Variants in PPARGC1A observed in about 807,000 individuals in gnomAD.
PPARGC1A encodes the protein peroxisome proliferator-activated receptor gamma coactivator 1-alpha.
A neutral mutation model predicts 88.7 loss-of-function variants in PPARGC1A; 25 were observed. The observed-to-expected ratio is 0.28, with a 90% confidence interval of 0.21 to 0.39. The LOEUF (loss-of-function observed/expected upper bound fraction) is 0.39, where lower values mean the gene tolerates loss of function less well. Ranked by LOEUF, PPARGC1A falls within the 10% of genes least tolerant of loss-of-function variation. The probability of loss-of-function intolerance (pLI) is 1.00; values close to 1 mark genes in which losing one functional copy is unlikely to be tolerated. For synonymous variants in PPARGC1A, 363 were observed against 355.6 expected, an observed-to-expected ratio of 1.02 and a Z score of -0.24; for missense variants, 880 against 968.7, an observed-to-expected ratio of 0.91 and a Z score of 1.22.
chr4:24,213,317 C>A, the PPARGC1A span, among the ~76,000 whole-genome samples: 1 of 151,974 alleles, frequency 6.6e-6, no homozygotes, highest in Non-Finnish European at 1.5e-5. Flanking sequence ...CAGGCGCCCA[C>A]CACCCGGCCC....
chr4:24,089,855 G>A, the PPARGC1A span, among the ~76,000 whole-genome samples: 3 of 152,272 alleles, frequency 2.0e-5, no homozygotes, highest in South Asian at 2.1e-4. Flanking sequence ...CTAGAAGGGG[G>A]AGCTCCAGCT....
chr4:24,009,821 G>A, the PPARGC1A span, among the ~76,000 whole-genome samples: 8 of 152,294 alleles, frequency 5.3e-5, no homozygotes, highest in Admixed American at 1.3e-4. Context: ...TTTATTGGGA[G>A]TAGCTGTGAA....
chr4:24,180,893 CTT>C, the PPARGC1A span, among the ~76,000 whole-genome samples: 1 of 152,172 alleles, frequency 6.6e-6, no homozygotes, highest in African/African-American at 2.4e-5. Context: ...TCAACATAAG[CTT>C]TTAAGTAGGA....
chr4:24,067,279 C>T, the PPARGC1A span, among the ~76,000 whole-genome samples: 1 of 151,982 alleles, frequency 6.6e-6, no homozygotes, highest in African/African-American at 2.4e-5. Flanking sequence ...AAACAGAACA[C>T]AATGCAAACA....
At chr4:23,880,660 C>A in intron 2 of PPARGC1A, 1 of 152,164 alleles carries the variant, frequency 6.6e-6, no homozygotes, top group East Asian at 1.9e-4. Flanking sequence ...GCCTTGAAAG[C>A]GTCCACATTC....
At chr4:24,077,418 CA>C in the PPARGC1A span, among the ~76,000 whole-genome samples, 4 of 152,004 alleles carry the variant, frequency 2.6e-5, no homozygotes, top group African/African-American at 9.7e-5. Flanking sequence ...ATTCCCATGG[CA>C]ATGGGAGGCA....
chr4:24,039,967 C>A, the PPARGC1A span, among the ~76,000 whole-genome samples: 14 of 152,268 alleles, frequency 9.2e-5, no homozygotes, highest in South Asian at 2.7e-3. Context: ...ATCTAACCAA[C>A]CATTTGGCCA....
chr4:23,953,239 T>C, the PPARGC1A span, among the ~76,000 whole-genome samples: 6 of 152,118 alleles, frequency 3.9e-5, no homozygotes, highest in South Asian at 1.2e-3. Context: ...TAATACCCTT[T>C]CAAAGACATG....
the PPARGC1A span, among the ~76,000 whole-genome samples, chr4:24,267,405 G>A: frequency 6.6e-6 from 1 of 152,224 alleles, no homozygotes; most frequent in South Asian, 2.1e-4. Flanking sequence ...CTCAGTAAAT[G>A]TAGGTTCCTT....
chr4:24,290,204 CT>C, the PPARGC1A span, among the ~76,000 whole-genome samples: 44 of 149,868 alleles, frequency 2.9e-4, no homozygotes, highest in African/African-American at 8.6e-4. Flanking sequence ...ATATCACCTT[CT>C]TTTTTTTTTA....
the PPARGC1A span, among the ~76,000 whole-genome samples, chr4:24,127,393 T>G: frequency 6.6e-6 from 1 of 152,176 alleles, no homozygotes; most frequent in South Asian, 2.1e-4. Flanking sequence ...CTTCCAAATC[T>G]GAAGATTTTT....
At chr4:24,107,055 G>A in the PPARGC1A span, among the ~76,000 whole-genome samples, 2 of 152,184 alleles carry the variant, frequency 1.3e-5, no homozygotes, top group Admixed American at 6.5e-5. Context: ...TTCCAACAGG[G>A]CATTGGTTTT....
At chr4:23,929,964 C>T in the PPARGC1A span, among the ~76,000 whole-genome samples, 1 of 152,076 alleles carries the variant, frequency 6.6e-6, no homozygotes, top group Admixed American at 6.6e-5. Flanking sequence ...ATAAACTCAC[C>T]AAGGAAATCC....
At chr4:24,096,094 G>C in the PPARGC1A span, among the ~76,000 whole-genome samples, 2 of 152,166 alleles carry the variant, frequency 1.3e-5, no homozygotes. Flanking sequence ...TCCCCTTGCT[G>C]TTCTCAGGTT....
chr4:24,210,950 A>G, the PPARGC1A span, among the ~76,000 whole-genome samples: 1 of 152,176 alleles, frequency 6.6e-6, no homozygotes. Context: ...TCCCTAATAG[A>G]GTTAATAACA....
the PPARGC1A span, among the ~76,000 whole-genome samples, chr4:24,111,818 G>C: frequency 2.6e-5 from 4 of 152,190 alleles, no homozygotes; most frequent in African/African-American, 9.7e-5. Flanking sequence ...AGTGGAGACA[G>C]TCAACACACA....
chr4:23,813,222 G>C, intron 8 of PPARGC1A, 97 bp from the exon 9 acceptor site: 1 of 1,021,104 alleles, frequency 9.8e-7, no homozygotes, highest in South Asian at 1.4e-5. Context: ...CTGTATTACA[G>C]AGACTGGCTT....
At chr4:23,886,758 C>G (rs1023270218) in intron 1 of PPARGC1A, among the ~76,000 whole-genome samples, 1 of 151,490 alleles carries the variant, frequency 6.6e-6, no homozygotes, top group Non-Finnish European at 1.5e-5. Context: ...AGCCCAAACA[C>G]ACTATCTTAA....
At chr4:23,987,864 C>A in the PPARGC1A span, among the ~76,000 whole-genome samples, 1 of 151,978 alleles carries the variant, frequency 6.6e-6, no homozygotes. Context: ...TAGGTATGCA[C>A]CTGCCACGGT....
Sources: allele counts gnomAD v4.1 joint callset (sites outside exome capture counted in the v4.1 genomes callset), GRCh38; gene constraint gnomAD v4.1.1; transcripts MANE v1.5; gene names NCBI Gene and HGNC (gene_info 2026-07-23, HGNC 2026-07-21).